Variants in THBS2 observed in about 807,000 individuals in gnomAD.
THBS2 encodes the protein thrombospondin 2, also known as thrombospondin-2.
In THBS2, 47 loss-of-function variants were observed where a neutral mutation model predicts 135.2. The observed-to-expected ratio is 0.35, with a 90% CI of 0.28 to 0.44. The LOEUF is 0.44. Ranked by LOEUF, THBS2 falls within the 20% of genes least tolerant of loss-of-function variation. The pLI is 1.00. For missense variants in THBS2, 1,288 were observed against 1,603.1 expected, an observed-to-expected ratio of 0.80 and a Z score of 3.36; for synonymous variants, 639 against 633.8, an observed-to-expected ratio of 1.01 and a Z score of -0.12.
At chr6:169,234,090 A>G (rs1409747550) in intron 10 of THBS2, among the ~76,000 whole-genome samples, 3 of 150,802 alleles carry the variant, frequency 2.0e-5, no homozygotes, top group Non-Finnish European at 4.4e-5. Flanking sequence ...CCGCACAACT[A>G]CCTACACACC....
chr6:169,224,013 T>C (rs1289628477), intron 17 of THBS2, among the ~76,000 whole-genome samples: 1 of 152,176 alleles, frequency 6.6e-6, no homozygotes, highest in East Asian at 1.9e-4. Flanking sequence ...GGGGATGAGG[T>C]GGGCCTGGTG....
At chr6:169,236,608 CCA>C (rs1207948200) in intron 9 of THBS2, among the ~76,000 whole-genome samples, 4 of 129,154 alleles carry the variant, frequency 3.1e-5, no homozygotes, top group Non-Finnish European at 6.9e-5. Flanking sequence ...TCATTCCCAT[CCA>C]CACTCGCCAT....
At chr6:169,249,751 C>T (rs151272564) in intron 2 of THBS2, among the ~76,000 whole-genome samples, 126 of 152,270 alleles carry the variant, frequency 8.3e-4, no homozygotes, top group African/African-American at 2.8e-3. Context: ...TAATTCAAAG[C>T]CAGGCGCGGT....
rs1220058625 is a variant in THBS2, at chr6:169,240,295, G to A, written c.1032+157C>T. Among the ~76,000 whole-genome samples the A allele has an allele frequency of 3.3e-5, 5 of 152,200 alleles. No individual in the cohort carries two copies. The East Asian group carries it at 7.7e-4, about 23-fold the overall frequency. On this transcript the variant is annotated intron_variant, in intron 6 of 21. Coordinates refer to ENST00000617924, the MANE Select transcript of THBS2 (RefSeq NM_003247.5). ...GAGGTTGATTCAAGTCCTAAATACGGTTCCTGGCCCTTCTGTGTTTCTTAC... is the reference window on the plus strand; with the variant it reads ...GAGGTTGATTCAAGTCCTAAATACGATTCCTGGCCCTTCTGTGTTTCTTAC...
chr6:169,222,733 G>T (rs1172065901), intron 18 of THBS2, among the ~76,000 whole-genome samples: 1 of 151,140 alleles, frequency 6.6e-6, no homozygotes, highest in Non-Finnish European at 1.5e-5. Flanking sequence ...AAAAAAGGTT[G>T]CAGTGAACTG....
In THBS2 at chr6:169,226,345, C is replaced by T. The variant is rs527894200; in HGVS notation, c.2420-47G>A. 4.7e-5 allele frequency: 69 copies of T among 1,475,714 alleles called. No individual in the cohort carries two copies. The South Asian group carries it at 7.8e-4, about 17-fold the overall frequency. 91.4% of individuals were successfully genotyped at this position (1,475,714 alleles called of 1,614,324 possible). On this transcript the variant is annotated intron_variant, in intron 15 of 21. Coordinates refer to ENST00000617924, the MANE Select transcript of THBS2 (RefSeq NM_003247.5). ...AGAAAACAAAAACAAACCAGAAGGA[C>T]AGGTGAGTTTAGAAAAAGCACATTG...
rs761053593 is a variant in THBS2 at position 169,240,515 on chromosome 6, A to G, written c.969T>C (p.Asp323=). ...KTRNMSACWQ[D]GRFFAENETW... is the part of the protein sequence containing the mutation. ...TTTCATTTTCCGCAAAGAACCGGCC[A>G]TCCTGCCAGCAAGCTGACATGTTCC... is the stretch of plus-strand genomic sequence containing the variant. The change falls in exon 6 of 22, where the codon GAT becomes GAC. Residue 323 remains aspartate (D), a synonymous_variant. Coordinates refer to ENST00000617924, the MANE Select transcript of THBS2 (RefSeq NM_003247.5). 1.9e-5 allele frequency: 30 copies of G among 1,613,922 alleles called. No homozygotes were observed. Among genetic ancestry groups the G allele is most frequent in the Non-Finnish European group, 2.5e-5 (30 of 1,180,038 alleles).
Position 169,248,772 on chromosome 6 carries a change from A to T in THBS2, c.254T>A (p.Phe85Tyr). The T allele has an allele frequency of 3.7e-6, 6 of 1,612,382 alleles. No individual in the cohort carries two copies. Among genetic ancestry groups the T allele is most frequent in the Non-Finnish European group, 5.1e-6 (6 of 1,179,976 alleles). Reference sequence around the variant, plus strand: ...GTCCTGCTTGAGCTGGGCCGTGAGGAAGAAGCCCTCCTTCTGCCGCATGAT... The same window carrying T: ...GTCCTGCTTGAGCTGGGCCGTGAGGTAGAAGCCCTCCTTCTGCCGCATGAT... The part of the protein sequence containing the change: ...TKIMRQKEGF[F>Y]LTAQLKQDGK... The change falls in exon 3 of 22, where the codon TTC becomes TAC. Residue 85 changes from phenylalanine to tyrosine, a missense_variant. This residue lies in a region of THBS2 where 414 missense variants were observed against 447.0 expected (regional missense o/e 0.93). Coordinates refer to ENST00000617924, the MANE Select transcript of THBS2 (RefSeq NM_003247.5).
intron 1 of THBS2, 79 bp from the exon 2 acceptor site, chr6:169,250,885 C>T: frequency 1.1e-6 from 1 of 912,698 alleles, no homozygotes; most frequent in Non-Finnish European, 1.6e-6. Flanking sequence ...CCCAGTGACT[C>T]ACATGACCAT....
Position 169,237,690 on chromosome 6 carries a change from C to T in THBS2, c.1235G>A (p.Ser412Asn), listed in dbSNP as rs779606627. 6.2e-7 allele frequency: 1 copy of T among 1,612,986 alleles called. No individual in the cohort carries two copies. Among genetic ancestry groups the T allele is most frequent in the Admixed American group, 1.7e-5 (1 of 60,032 alleles). Reference sequence around the variant, plus strand: ...GATGGAGGGCCCCAAGCAGGTGTTGCTGGTGACGTCACAGGACCGGCCTCT... The same window carrying T: ...GATGGAGGGCCCCAAGCAGGTGTTGTTGGTGACGTCACAGGACCGGCCTCT... The part of the protein sequence containing the change: ...QQRGRSCDVT[S>N]NTCLGPSIQT... Residue 412 changes from serine (S) to asparagine (N), a missense_variant, in exon 8 of 22, where the codon AGC becomes AAC. By Grantham distance (46) the Ser-to-Asn change is conservative. Around this residue, in one of 2 missense-constraint regions of THBS2, gnomAD observed 874 missense variants for 1,156.1 expected, o/e 0.76. Coordinates refer to ENST00000617924, the MANE Select transcript of THBS2 (RefSeq NM_003247.5).
chr6:169,239,199 G>A (rs1320264811), intron 7 of THBS2: 1 of 184,662 alleles, frequency 5.4e-6, no homozygotes, highest in African/African-American at 2.3e-5. Context: ...GTTTTTGTTT[G>A]TCTGATTTTC....
Position 169,234,892 on chromosome 6 carries a change from C to A in THBS2, c.1493G>T (p.Ser498Ile), listed in dbSNP as rs1779979595. The A allele has an allele frequency of 6.2e-7, 1 of 1,606,816 alleles. No individual in the cohort carries two copies. The highest frequency in any genetic ancestry group is 8.5e-7 in the Non-Finnish European group (1 of 1,176,338). The change falls in exon 10 of 22, where the codon AGC (serine) becomes ATC (isoleucine). Residue 498 changes from serine (S) to isoleucine (I), a missense_variant. Physicochemically the swap from Ser to Ile is moderately radical, Grantham distance 142. Coordinates refer to ENST00000617924, the MANE Select transcript of THBS2 (RefSeq NM_003247.5). Reference protein sequence around the residue: ...GAPCPIDGRWSPWSPWSACTV... With the variant: ...GAPCPIDGRWIPWSPWSACTV... Reference sequence around the variant, plus strand: ...GCAGGCCGACCACGGGGACCAGGGGCTCCAGCGGCCATCGACTGCGGGGAA... The same window carrying A: ...GCAGGCCGACCACGGGGACCAGGGGATCCAGCGGCCATCGACTGCGGGGAA...
Position 169,248,311 on chromosome 6 carries a change from G to C in THBS2, c.609+106C>G, listed in dbSNP as rs1470562236. 4.5e-6 allele frequency: 6 copies of C among 1,345,320 alleles called. No individual in the cohort carries two copies. In the African/African-American group the frequency reaches 7.3e-5, roughly 16 times the overall value. The allele number at this position is 1,345,320 out of a possible 1,614,324, so 83.3% of individuals were successfully genotyped here. A position where few individuals can be genotyped will look rare whatever the true frequency, so the allele number is the denominator to read the frequency against. On this transcript the variant is annotated intron_variant, in intron 3 of 21. Transcript: ENST00000617924. ...GGGATGTGCAGTGTGCTTCTCTAAG[G>C]CCAGGCTCTGCCTGCTCAAGCATCG...
chr6:169,226,178 A>G lies in THBS2; in HGVS notation c.2538+2T>C. 1.9e-6 allele frequency: 3 copies of G among 1,609,184 alleles called. No individual in the cohort carries two copies. Among genetic ancestry groups the G allele is most frequent in the Non-Finnish European group, 2.5e-6 (3 of 1,177,406 alleles). On this transcript the variant is annotated splice_donor_variant, in intron 16 of 21. Coordinates refer to ENST00000617924, the MANE Select transcript of THBS2 (RefSeq NM_003247.5). LOFTEE classifies it high-confidence loss of function. ...ACCCCGCCTGTCTGCGGCTGCCCTC[A>G]CCTGGTCAGGGTTGTGCACCAGGGG...
At chr6:169,228,030 A>G (rs765950962) in intron 15 of THBS2, 92 bp downstream of exon 15, 19 of 1,449,308 alleles carry the variant, frequency 1.3e-5, no homozygotes, top group Non-Finnish European at 1.7e-5. Context: ...GCAGTGAGCC[A>G]AGATGGTGCT....
chr6:169,245,628 T>TA (rs1302156166), intron 4 of THBS2, among the ~76,000 whole-genome samples: 5 of 151,804 alleles, frequency 3.3e-5, no homozygotes, highest in Admixed American at 3.3e-4. Flanking sequence ...CCATCTCTAC[T>TA]AAAAATACAA....
rs1779852118 is a variant in THBS2 at position 169,231,961 on chromosome 6, T to TGCGAGCCCC, written c.2151+10_2151+18dup. The TGCGAGCCCC allele has an allele frequency of 1.2e-6, 2 of 1,612,128 alleles. No individual in the cohort carries two copies. Among genetic ancestry groups the TGCGAGCCCC allele is most frequent in the Non-Finnish European group, 1.7e-6 (2 of 1,179,408 alleles). On this transcript the variant is annotated intron_variant, in intron 13 of 21. Coordinates refer to ENST00000617924, the MANE Select transcript of THBS2 (RefSeq NM_003247.5). The stretch of plus-strand genomic sequence containing the variant: ...CTGACCGCCGTGGCCCCGTGTGCCC[T>TGCGAGCCCC]GCGAGCCCCGCGCCTCACCTTGATG...
Position 169,232,544 on chromosome 6 carries a change from C to A in THBS2, c.1932+120G>T. 6 of 1,470,564 alleles carry A rather than the reference C, an allele frequency of 4.1e-6. 1 individual carries two copies. The South Asian group carries it at 8.1e-5, about 20-fold the overall frequency. 91.1% of individuals were successfully genotyped at this position (1,470,564 alleles called of 1,614,324 possible). Reference sequence around the variant, plus strand: ...GGTGCTCAGCTTCCCCGGGCCAGCCCCTCCCATGCCTCTCCCGGGCCACGC... The same window carrying A: ...GGTGCTCAGCTTCCCCGGGCCAGCCACTCCCATGCCTCTCCCGGGCCACGC... On this transcript the variant is annotated intron_variant, in intron 12 of 21. Transcript: ENST00000617924.
At position 169,231,833 on chromosome 6, in the gene THBS2, T is replaced by A. The variant is rs1347587609; in HGVS notation, c.2151+147A>T. Reference sequence around the variant, plus strand: ...CAGAGAGGGGACCAGGGGGATGCATTCAACCTGGTGATCAGGCAAGAGGCC... The same window carrying A: ...CAGAGAGGGGACCAGGGGGATGCATACAACCTGGTGATCAGGCAAGAGGCC... On this transcript the variant is annotated intron_variant, in intron 13 of 21. Transcript: ENST00000617924. 21 of 910,220 alleles carry A rather than the reference T, an allele frequency of 2.3e-5. No individual in the cohort carries two copies. In the African/African-American group the frequency reaches 2.5e-4, roughly 11 times the overall value. 56.4% of individuals were successfully genotyped at this position (910,220 alleles called of 1,614,324 possible).
Sources: allele counts gnomAD v4.1 joint callset (sites outside exome capture counted in the v4.1 genomes callset), GRCh38; gene constraint gnomAD v4.1.1; regional missense constraint gnomAD v4.1.1; transcripts MANE v1.5; gene names NCBI Gene and HGNC (gene_info 2026-07-23, HGNC 2026-07-21).